Variants in MMP28 observed in about 807,000 individuals in gnomAD.
MMP28 encodes matrix metalloproteinase-28.
A neutral mutation model predicts 60.5 loss-of-function variants in MMP28; 55 were observed. That is an observed-to-expected ratio of 0.91 (90% CI 0.73 to 1.14). The LOEUF is 1.14. MMP28 is among the 50% of genes most tolerant of loss of function. The pLI, the probability that MMP28 is intolerant of heterozygous loss-of-function variation, is 0.00. For synonymous variants in MMP28, 318 were observed against 312.5 expected (o/e 1.02, Z -0.18); for missense variants, 686 against 738.3 (o/e 0.93, Z 0.82).
rs1555604842 is a variant in MMP28 at position 35,770,094 on chromosome 17, C to T, written c.823G>A (p.Asp275Asn). 6.3e-7 allele frequency: 1 copy of T among 1,596,068 alleles called. No homozygotes were observed. Among genetic ancestry groups the T allele is most frequent in the East Asian group, 2.3e-5 (1 of 44,266 alleles). ...TACAGGCTCTGCACGGCCAGCACGT[C>T]GTCCCAGCTGAGCAGCGCGTCGCGG... ...LGRDALLSWD[D>N]VLAVQSLYGK... Residue 275 changes from aspartate (D) to asparagine (N), a missense_variant, in exon 5 of 8, where the codon GAC becomes AAC. Transcript: ENST00000605424.
chr17:35,761,099 ATTTTTTTT>A (rs10533957), downstream of MMP28: 3,297 of 505,612 alleles, frequency 6.5e-3, 1 homozygote, highest in East Asian at 0.012. Flanking sequence ...GCCTTCCTGA[ATTTTTTTT>A]TTTTTTTTTT....
At chr17:35,782,938 T>C (rs1555609706) in intron 1 of MMP28, among the ~76,000 whole-genome samples, 1 of 152,244 alleles carries the variant, frequency 6.6e-6, no homozygotes, top group African/African-American at 2.4e-5. Context: ...GCCATTCTCC[T>C]GCCTCAGCCT....
At chr17:35,762,698 T>C (rs2085844378), downstream of MMP28, among the ~76,000 whole-genome samples, 1 of 152,050 alleles carries the variant, frequency 6.6e-6, no homozygotes, top group African/African-American at 2.4e-5. Flanking sequence ...TTTCTAATCA[T>C]ACAGAGGTGC....
downstream of MMP28, among the ~76,000 whole-genome samples, chr17:35,765,322 G>A (rs146217537): frequency 8.5e-5 from 13 of 152,326 alleles, no homozygotes; most frequent in Non-Finnish European, 1.5e-4. Context: ...TGCCCTAGAC[G>A]CCCTGGCTTG....
At chr17:35,759,717 C>A (rs587682843) in intron 2 of MMP28, among the ~76,000 whole-genome samples, 3 of 151,274 alleles carry the variant, frequency 2.0e-5, no homozygotes, top group Admixed American at 6.6e-5. Context: ...CACCGCCCCC[C>A]CAAAAAAGAT....
At chr17:35,788,323 T>C (rs189296464) in intron 1 of MMP28, among the ~76,000 whole-genome samples, 4 of 152,338 alleles carry the variant, frequency 2.6e-5, no homozygotes, top group East Asian at 1.9e-4. Context: ...TATGGACTCA[T>C]GGTTCTCACT....
At chr17:35,781,491 T>G (rs1307676469) in intron 1 of MMP28, among the ~76,000 whole-genome samples, 2 of 152,138 alleles carry the variant, frequency 1.3e-5, no homozygotes, top group African/African-American at 4.8e-5. Flanking sequence ...CATCTCAGGG[T>G]CCAGGTACCT....
chr17:35,795,141 G>A, intron 1 of MMP28, 126 bp downstream of exon 1: 1 of 572,840 alleles, frequency 1.7e-6, no homozygotes, highest in Non-Finnish European at 2.7e-6. Flanking sequence ...AGTGCGAAGG[G>A]GGCGGAGGAC....
At chr17:35,776,095 C>G (rs1333342086) in intron 3 of MMP28, among the ~76,000 whole-genome samples, 1 of 151,942 alleles carries the variant, frequency 6.6e-6, no homozygotes, top group Non-Finnish European at 1.5e-5. Flanking sequence ...AGGATGGTCT[C>G]GATCTCCTGA....
At chr17:35,784,475 G>A (rs1555610063) in intron 1 of MMP28, among the ~76,000 whole-genome samples, 2 of 152,178 alleles carry the variant, frequency 1.3e-5, no homozygotes, top group African/African-American at 4.8e-5. Flanking sequence ...CCCGGGTGAG[G>A]AGGTGGTGGG....
chr17:35,757,274 T>C (rs948391981), intron 2 of MMP28: 10 of 152,146 alleles, frequency 6.6e-5, no homozygotes, highest in African/African-American at 2.4e-4. Context: ...TTACAACTGG[T>C]CTAGGACAAT....
intron 7 of MMP28, 37 bp downstream of exon 7, chr17:35,767,715 T>C (rs2085988424): frequency 6.5e-7 from 1 of 1,549,974 alleles, no homozygotes; most frequent in Admixed American, 2.0e-5. Flanking sequence ...CTTCCCTCTC[T>C]AGGGCTCAGT....
At chr17:35,764,399 C>A (rs1555602283), downstream of MMP28, 3 of 1,507,500 alleles carry the variant, frequency 2.0e-6, no homozygotes, top group East Asian at 2.6e-5. Context: ...CTGCCCCAGG[C>A]ACTGAGCGCC....
chr17:35,778,297 G>C (rs989606188), intron 3 of MMP28, among the ~76,000 whole-genome samples: 15 of 152,168 alleles, frequency 9.9e-5, no homozygotes, highest in Non-Finnish European at 2.2e-4. Context: ...AGAGGCTAGG[G>C]GAGGGGGAGA....
intron 4 of MMP28, among the ~76,000 whole-genome samples, chr17:35,772,591 G>A (rs1206268824): frequency 1.3e-5 from 2 of 152,218 alleles, no homozygotes; most frequent in Non-Finnish European, 2.9e-5. Flanking sequence ...ATTAGGAGGG[G>A]AAATGTGCAA....
At position 35,766,082 on chromosome 17, in the gene MMP28, CA is replaced by C. The variant is rs1283003840; in HGVS notation, c.*417del. ...TGACACCGTTTTTCAAGAACTGAGCCAGGGGGTCCTGAGGAGAAGGGCACAG... is the reference window on the plus strand; with the variant it reads ...TGACACCGTTTTTCAAGAACTGAGCCGGGGGTCCTGAGGAGAAGGGCACAG... On this transcript the variant is annotated 3_prime_UTR_variant, in exon 8 of 8. Transcript: ENST00000605424. This position sits in a 1 kb window ranked among gnomAD's most constrained non-coding sequence, Gnocchi z 4.3. 4.0e-6 allele frequency: 4 copies of C among 994,672 alleles called. No homozygotes were observed. The highest frequency in any genetic ancestry group is 1.1e-4 in the East Asian group (1 of 9,138). The allele number at this position is 994,672 out of a possible 1,614,324, so 61.6% of individuals were successfully genotyped here. A position where few individuals can be genotyped will look rare whatever the true frequency, so the allele number is the denominator to read the frequency against.
intron 3 of MMP28, among the ~76,000 whole-genome samples, chr17:35,776,679 A>G (rs1166816339): frequency 1.3e-5 from 2 of 151,930 alleles, no homozygotes; most frequent in African/African-American, 4.8e-5. Flanking sequence ...TAAGGTCAGG[A>G]GCTTGAGACC....
At chr17:35,773,693 G>A (rs2086241402) in intron 3 of MMP28, among the ~76,000 whole-genome samples, 1 of 152,236 alleles carries the variant, frequency 6.6e-6, no homozygotes, top group East Asian at 1.9e-4. Flanking sequence ...CTGCCCAGGA[G>A]AAGCCCCCAA....
At chr17:35,774,977 C>A (rs540937964) in intron 3 of MMP28, among the ~76,000 whole-genome samples, 6 of 152,272 alleles carry the variant, frequency 3.9e-5, no homozygotes, top group African/African-American at 1.4e-4. Flanking sequence ...AACCTCTAAT[C>A]CATTAGCATA....
Sources: allele counts gnomAD v4.1 joint callset (sites outside exome capture counted in the v4.1 genomes callset), GRCh38; gene constraint gnomAD v4.1.1; non-coding constraint Gnocchi (gnomAD v3.1); transcripts MANE v1.5; gene names NCBI Gene and HGNC (gene_info 2026-07-23, HGNC 2026-07-21).